The following ITPR2 variants were observed in gnomAD, a reference collection of about 807,000 sequenced individuals.
The protein encoded by ITPR2 is inositol 1,4,5-trisphosphate-gated calcium channel ITPR2.
In ITPR2, 207 loss-of-function variants were observed where a neutral mutation model predicts 317.1. That is an observed-to-expected ratio of 0.65 (90% CI 0.58 to 0.73). The LOEUF (loss-of-function observed/expected upper bound fraction) is 0.73. Ranked by LOEUF, ITPR2 falls within the 30% of genes least tolerant of loss-of-function variation. The probability of loss-of-function intolerance (pLI) is 0.00; values close to 1 mark genes in which losing one functional copy is unlikely to be tolerated. For missense variants in ITPR2, 2,613 were observed against 3,284.0 expected (o/e 0.80, Z 4.99); for synonymous variants, 1,156 against 1,149.1 (o/e 1.01, Z -0.12).
At chr12:26,483,108 G>A (rs1942583473) in intron 42 of ITPR2, among the ~76,000 whole-genome samples, 1 of 152,106 alleles carries the variant, frequency 6.6e-6, no homozygotes, top group Non-Finnish European at 1.5e-5. Flanking sequence ...CAAAATCAGA[G>A]ACAAACATTC....
Position 26,616,122 on chromosome 12 carries a change from A to ATTTC in ITPR2, c.3462+5000_3462+5001insGAAA, listed in dbSNP as rs67156319. Among the ~76,000 whole-genome samples, 622 of 151,732 alleles carry ATTTC rather than the reference A, an allele frequency of 4.1e-3. 24 individuals carry two copies. The East Asian group carries it at 0.099, about 24-fold the overall frequency. ...TGCCTATGCATGTGGAAATTTATTT[A>ATTTC]TTTATTTTTATTTTATTTTATTTTA... On this transcript the variant is annotated intron_variant, in intron 26 of 56. Coordinates refer to ENST00000381340, the MANE Select transcript of ITPR2 (RefSeq NM_002223.4).
chr12:26,737,465 G>A (rs980029968), intron 2 of ITPR2, among the ~76,000 whole-genome samples: 2 of 152,100 alleles, frequency 1.3e-5, no homozygotes, highest in South Asian at 4.2e-4. Flanking sequence ...ATGTTGGACA[G>A]GCTGGTCTCA....
rs773381558 is a variant in ITPR2, at chr12:26,605,115, T to TAAA, written c.3463-2412_3463-2410dup. On this transcript the variant is annotated intron_variant, in intron 26 of 56. Transcript: ENST00000381340. ...AAAAAAAAAAAATAAAAATAAAAAA[T>TAAA]AAAAAATAAAAATATATATATATAT... Among the ~76,000 whole-genome samples the TAAA allele has an allele frequency of 2.3e-5, 2 of 87,066 alleles. 1 individual carries two copies. Among genetic ancestry groups the TAAA allele is most frequent in the Non-Finnish European group, 4.9e-5 (2 of 40,940 alleles). The allele number at this position is 87,066 out of a possible 152,430, so 57.1% of individuals were successfully genotyped here.
intron 37 of ITPR2, among the ~76,000 whole-genome samples, chr12:26,549,753 T>C (rs562954910): frequency 1.3e-5 from 2 of 152,156 alleles, no homozygotes; most frequent in South Asian, 4.1e-4. Flanking sequence ...CTCAAGTTAA[T>C]ATAGTTAAGA....
chr12:26,492,459 CA>C (rs11300033), intron 39 of ITPR2, among the ~76,000 whole-genome samples: 60,650 of 142,496 alleles, frequency 0.43, 13,261 homozygotes, highest in Non-Finnish European at 0.52. Context: ...TGCCCCCCAC[CA>C]AAAAAAAAAA....
intron 34 of ITPR2, among the ~76,000 whole-genome samples, chr12:26,566,430 G>C (rs1036523039): frequency 2.9e-5 from 4 of 135,642 alleles, no homozygotes; most frequent in Non-Finnish European, 6.3e-5. Flanking sequence ...GGAGAGGTAA[G>C]AGGAGAAGGA....
chr12:26,821,401 T>G (rs1202030697), intron 1 of ITPR2, among the ~76,000 whole-genome samples: 1 of 152,166 alleles, frequency 6.6e-6, no homozygotes, highest in Non-Finnish European at 1.5e-5. Flanking sequence ...AATCTGAAGT[T>G]TAACAAGAGG....
At chr12:26,689,333 C>A (rs1386337748) in intron 10 of ITPR2, among the ~76,000 whole-genome samples, 3 of 152,058 alleles carry the variant, frequency 2.0e-5, no homozygotes, top group African/African-American at 7.2e-5. Flanking sequence ...GGGAGGATCA[C>A]CTGAGCCCGG....
chr12:26,540,640 C>A (rs1326529648), intron 37 of ITPR2, among the ~76,000 whole-genome samples: 1 of 152,048 alleles, frequency 6.6e-6, no homozygotes, highest in Admixed American at 6.6e-5. Flanking sequence ...CTCAAAAACC[C>A]TTGAAGCAAT....
At chr12:26,561,713 A>T (rs775203820) in intron 35 of ITPR2, 49 bp downstream of exon 35, 13 of 1,359,694 alleles carry the variant, frequency 9.6e-6, no homozygotes, top group Admixed American at 3.4e-5. Context: ...ACATATTTTT[A>T]AAAAATATAA....
chr12:26,580,098 T>G lies in ITPR2; in HGVS notation c.4438A>C (p.Thr1480Pro). 2 of 1,611,754 alleles carry G rather than the reference T, an allele frequency of 1.2e-6. No homozygotes were observed. The highest frequency in any genetic ancestry group is 1.7e-6 in the Non-Finnish European group (2 of 1,178,044). ...HADIFLEKCV[T>P]ESIMNIVSGF... Reference sequence around the variant, plus strand: ...CTCACAATATTCATTATTGACTCAGTAACACACTTTTCCAAAAAGATGTCT... The same window carrying G: ...CTCACAATATTCATTATTGACTCAGGAACACACTTTTCCAAAAAGATGTCT... Residue 1480 changes from threonine to proline, a missense_variant, in exon 33 of 57, where the codon ACT becomes CCT. Thr to Pro is a conservative substitution (Grantham distance 38). Coordinates refer to ENST00000381340, the MANE Select transcript of ITPR2 (RefSeq NM_002223.4).
chr12:26,632,865 G>C (rs1591981926), intron 21 of ITPR2, among the ~76,000 whole-genome samples: 1 of 152,290 alleles, frequency 6.6e-6, no homozygotes, highest in East Asian at 1.9e-4. Context: ...ACCACAAATA[G>C]CTGTATCCAA....
At chr12:26,777,212 A>G (rs2137168540) in intron 2 of ITPR2, among the ~76,000 whole-genome samples, 1 of 152,310 alleles carries the variant, frequency 6.6e-6, no homozygotes, top group African/African-American at 2.4e-5. Flanking sequence ...CCCTTGGTTT[A>G]ATGTGGAGGA....
intron 21 of ITPR2, among the ~76,000 whole-genome samples, chr12:26,636,812 C>T (rs1946875574): frequency 6.6e-6 from 1 of 152,232 alleles, no homozygotes; most frequent in African/African-American, 2.4e-5. Flanking sequence ...CCTCACAGCA[C>T]GGTGGGGGTT....
intron 1 of ITPR2, among the ~76,000 whole-genome samples, chr12:26,798,368 T>C (rs528869626): frequency 6.6e-6 from 1 of 152,344 alleles, no homozygotes; most frequent in Non-Finnish European, 1.5e-5. Flanking sequence ...GTTTTGTGAC[T>C]AGAGTTGGCT....
At chr12:26,537,766 A>C (rs1387748435) in intron 37 of ITPR2, among the ~76,000 whole-genome samples, 1 of 152,238 alleles carries the variant, frequency 6.6e-6, no homozygotes, top group Admixed American at 6.5e-5. Context: ...TTTTAATTAA[A>C]AACCCAGCCA....
intron 52 of ITPR2, among the ~76,000 whole-genome samples, chr12:26,410,546 C>A (rs1046832418): frequency 9.2e-5 from 14 of 152,176 alleles, no homozygotes; most frequent in Non-Finnish European, 1.6e-4. Flanking sequence ...TTAACTCTTT[C>A]TTCCCTTATC....
At chr12:26,503,485 T>C (rs977558122) in intron 37 of ITPR2, among the ~76,000 whole-genome samples, 3 of 152,114 alleles carry the variant, frequency 2.0e-5, no homozygotes, top group African/African-American at 7.2e-5. Context: ...TGAGATAATA[T>C]CTATACACAC....
chr12:26,435,694 CTAT>C (rs1405574269), intron 48 of ITPR2, among the ~76,000 whole-genome samples: 2 of 151,752 alleles, frequency 1.3e-5, no homozygotes, highest in African/African-American at 4.8e-5. Context: ...CCTTTATTTC[CTAT>C]TATTATATTG....
Sources: allele counts gnomAD v4.1 joint callset (sites outside exome capture counted in the v4.1 genomes callset), GRCh38; gene constraint gnomAD v4.1.1; transcripts MANE v1.5; gene names NCBI Gene and HGNC (gene_info 2026-07-23, HGNC 2026-07-21).